The following FAM199X variants were observed in gnomAD, a reference collection of about 807,000 sequenced individuals.
The protein encoded by FAM199X is protein FAM199X.
FAM199X carries 4 observed loss-of-function variants against 22.9 expected under a neutral mutation model. That is an observed-to-expected ratio of 0.17 (90% CI 0.09 to 0.40). FAM199X has a LOEUF of 0.40. Ranked by LOEUF, FAM199X falls within the 10% of genes least tolerant of loss-of-function variation. The probability of loss-of-function intolerance (pLI) is 1.00; values close to 1 mark genes in which losing one functional copy is unlikely to be tolerated. For synonymous variants in FAM199X, 101 were observed against 112.3 expected (o/e 0.90, Z 0.64); for missense variants, 183 against 306.8 (o/e 0.60, Z 3.01).
intron 4 of FAM199X, among the ~76,000 whole-genome samples, chrX:104,187,239 G>A (rs1469319644): frequency 2.7e-5 from 3 of 109,666 alleles, no homozygotes; most frequent in Non-Finnish European, 5.7e-5. Flanking sequence ...ACCTGCCAAC[G>A]CACCCGGCTA....
At chrX:104,186,308 GATT>G in intron 3 of FAM199X, 93 bp downstream of exon 3, 3 of 1,097,285 alleles carry the variant, frequency 2.7e-6, no homozygotes, top group Non-Finnish European at 3.7e-6. Flanking sequence ...GGGAAATGTG[GATT>G]GCTTAGTAAA....
At chrX:104,176,633 A>G (rs1556376525) in intron 2 of FAM199X, among the ~76,000 whole-genome samples, 1 of 112,265 alleles carries the variant, frequency 8.9e-6, no homozygotes. Flanking sequence ...CAAATTTAAA[A>G]AAGTCTCCAA....
Position 104,192,272 on chromosome X carries a change from T to C in FAM199X, c.*2494T>C, listed in dbSNP as rs782661011. On this transcript the variant is annotated 3_prime_UTR_variant, in exon 6 of 6. Transcript: ENST00000493442. ...TTGGAATAAGTAATAATTTATTCAA[T>C]ATGGTGTATCTCTGAGTTCAATTTA... 1.8e-5 allele frequency: 2 copies of C among 111,928 alleles called. No homozygotes were observed. The highest frequency in any genetic ancestry group is 7.4e-4 in the South Asian group (2 of 2,705). The allele number at this position is 111,928 out of a possible 1,213,427, so 9.2% of individuals were successfully genotyped here. A position where few individuals can be genotyped will look rare whatever the true frequency, so the allele number is the denominator to read the frequency against.
rs1921943176 is a variant in FAM199X at position 104,191,656 on chromosome X, T to G, written c.*1878T>G. 9.0e-6 allele frequency: 1 copy of G among 111,539 alleles called. No individual in the cohort carries two copies. Among genetic ancestry groups the G allele is most frequent in the African/African-American group, 3.3e-5 (1 of 30,724 alleles). The allele number at this position is 111,539 out of a possible 1,213,427, so 9.2% of individuals were successfully genotyped here. The stretch of plus-strand genomic sequence containing the variant: ...CTACCTGCTCTTAGCAAAAGCAAAA[T>G]CCCACAGAATGATTGCCTGCTGTCT... On this transcript the variant is annotated 3_prime_UTR_variant, in exon 6 of 6. Transcript: ENST00000493442.
chrX:104,187,243 C>T (rs1006184747), intron 4 of FAM199X, among the ~76,000 whole-genome samples: 12 of 110,392 alleles, frequency 1.1e-4, no homozygotes, highest in African/African-American at 4.0e-4. Flanking sequence ...GCCAACGCAC[C>T]CGGCTAATTT....
At chrX:104,166,446 C>G (rs112905728), upstream of FAM199X, among the ~76,000 whole-genome samples, 1 of 112,366 alleles carries the variant, frequency 8.9e-6, no homozygotes, top group Non-Finnish European at 1.9e-5. Flanking sequence ...GCCGGGCAGA[C>G]TGCTGCAGTC....
At position 104,191,344 on chromosome X, in the gene FAM199X, A is replaced by C. The variant is rs1569468639; in HGVS notation, c.*1566A>C. The C allele has an allele frequency of 8.9e-6, 1 of 112,201 alleles. No homozygotes were observed. The highest frequency in any genetic ancestry group is 2.8e-4 in the East Asian group (1 of 3,599). 9.2% of individuals were successfully genotyped at this position (112,201 alleles called of 1,213,427 possible). ...CTGGGGATAAAAATTAATACACTGCAGCTTTGCCAAGGTCTGTGATATGGT... is the reference window on the plus strand; with the variant it reads ...CTGGGGATAAAAATTAATACACTGCCGCTTTGCCAAGGTCTGTGATATGGT... On this transcript the variant is annotated 3_prime_UTR_variant, in exon 6 of 6. Transcript: ENST00000493442.
At chrX:104,189,279 T>A (rs1556379858) in intron 5 of FAM199X, among the ~76,000 whole-genome samples, 1 of 111,720 alleles carries the variant, frequency 9.0e-6, no homozygotes, top group Non-Finnish European at 1.9e-5. Context: ...CGCCTAGTAT[T>A]AATTATGTGT....
chrX:104,187,095 CTTCT>C (rs1301774492), intron 4 of FAM199X, among the ~76,000 whole-genome samples: 2 of 104,885 alleles, frequency 1.9e-5, no homozygotes, highest in African/African-American at 7.5e-5. Flanking sequence ...CTGGTATCAT[CTTCT>C]TTTTTTTTTT....
the FAM199X span, among the ~76,000 whole-genome samples, chrX:104,159,237 T>G: frequency 8.9e-6 from 1 of 111,806 alleles, no homozygotes; most frequent in Non-Finnish European, 1.9e-5. Context: ...AAACAAATGG[T>G]GGAGATTGGT....
At chrX:104,165,060 C>T (rs1275055987), upstream of FAM199X, among the ~76,000 whole-genome samples, 1 of 111,693 alleles carries the variant, frequency 9.0e-6, no homozygotes, top group Non-Finnish European at 1.9e-5. Flanking sequence ...TCACTGGCCT[C>T]AGACCCCTGG....
intron 2 of FAM199X, among the ~76,000 whole-genome samples, chrX:104,182,262 C>T (rs781958110): frequency 4.1e-4 from 46 of 111,022 alleles, no homozygotes; most frequent in African/African-American, 1.4e-3. Flanking sequence ...GCTGGGATTA[C>T]AGGTGTGAGC....
Position 104,187,915 on chromosome X carries a change from T to G in FAM199X, c.730-125T>G. The G allele has an allele frequency of 5.0e-6, 4 of 793,033 alleles. No homozygotes were observed. In the South Asian group the frequency reaches 1.1e-4, roughly 21 times the overall value. The allele number at this position is 793,033 out of a possible 1,213,427, so 65.4% of individuals were successfully genotyped here. ...TAAATTTAGCCTTTCTATTCTACCTTACGTATGCATCTGCAGCACTTTTGA... is the reference window on the plus strand; with the variant it reads ...TAAATTTAGCCTTTCTATTCTACCTGACGTATGCATCTGCAGCACTTTTGA... On this transcript the variant is annotated intron_variant, in intron 4 of 5. Transcript: ENST00000493442.
intron 4 of FAM199X, among the ~76,000 whole-genome samples, chrX:104,187,164 A>G (rs782406473): frequency 1.0e-3 from 113 of 107,703 alleles, no homozygotes; most frequent in African/African-American, 3.7e-3. Flanking sequence ...GCTCACTGCA[A>G]CCTCCACTGC....
upstream of FAM199X, among the ~76,000 whole-genome samples, chrX:104,165,846 T>G (rs1304401133): frequency 9.0e-6 from 1 of 111,424 alleles, no homozygotes; most frequent in Middle Eastern, 4.2e-3. Context: ...AGGGAAGGCT[T>G]CACTGAGGAG....
chrX:104,175,846 A>G lies in FAM199X; in HGVS notation c.417+4A>G. 1 of 1,181,121 alleles carries G rather than the reference A, an allele frequency of 8.5e-7. No individual in the cohort carries two copies. The highest frequency in any genetic ancestry group is 1.1e-6 in the Non-Finnish European group (1 of 871,894). On this transcript the variant is annotated splice_donor_region_variant and intron_variant, in intron 2 of 5. Transcript: ENST00000493442. ...AGATAGCGAGTTTGAATGGCAGGTAAGTTTTTTTGTCCTTTTCTTGACATT... is the reference window on the plus strand; with the variant it reads ...AGATAGCGAGTTTGAATGGCAGGTAGGTTTTTTTGTCCTTTTCTTGACATT...
chrX:104,188,273 T>C lies in FAM199X; in HGVS notation c.963T>C (p.Ser321=). The C allele has an allele frequency of 8.2e-7, 1 of 1,212,415 alleles. No homozygotes were observed. The highest frequency in any genetic ancestry group is 1.1e-6 in the Non-Finnish European group (1 of 895,646). The change falls in exon 5 of 6, where the codon TCT becomes TCC. Residue 321 remains serine, a synonymous_variant. Coordinates refer to ENST00000493442, the MANE Select transcript of FAM199X (RefSeq NM_207318.4). ...MSRAHSDSNL[S]ASAAERIRDS... ...GAGCACACAGTGACAGCAACCTGTC[T>C]GCAAGTGCAGCAGAGCGGATTCGGG...
At chrX:104,161,363 G>A in the FAM199X span, among the ~76,000 whole-genome samples, 7 of 111,931 alleles carry the variant, frequency 6.3e-5, no homozygotes, top group African/African-American at 1.9e-4. Context: ...ATAGCTACTT[G>A]CTTAACACAC....
chrX:104,175,498 C>T, intron 1 of FAM199X, 125 bp from the exon 2 acceptor site: 1 of 517,832 alleles, frequency 1.9e-6, no homozygotes, highest in Non-Finnish European at 3.1e-6. Context: ...AAGGTAGGGG[C>T]TCTTTTAAAA....
Sources: allele counts gnomAD v4.1 joint callset (sites outside exome capture counted in the v4.1 genomes callset), GRCh38; gene constraint gnomAD v4.1.1; transcripts MANE v1.5; gene names NCBI Gene and HGNC (gene_info 2026-07-23, HGNC 2026-07-21).